The following PREPL variants were observed in gnomAD, a reference collection of about 807,000 sequenced individuals.
PREPL encodes prolyl endopeptidase like.
PREPL carries 77 observed loss-of-function variants against 70.6 expected under a neutral mutation model. The ratio of observed to expected loss-of-function variants is 1.09; its 90% CI spans 0.91 to 1.32. The LOEUF is 1.32. Ranked by LOEUF, PREPL falls within the 40% of genes most tolerant of loss-of-function variation. The pLI, the probability that PREPL is intolerant of heterozygous loss-of-function variation, is 0.00. For synonymous variants in PREPL, 315 were observed against 264.8 expected, an observed-to-expected ratio of 1.19 and a Z score of -1.84; for missense variants, 1,002 against 778.2, an observed-to-expected ratio of 1.29 and a Z score of -3.42.
In PREPL at chr2:44,346,247, T is replaced by TA; in HGVS notation, c.75+20dup. On this transcript the variant is annotated intron_variant, in intron 2 of 13. Coordinates refer to ENST00000409411, the MANE Select transcript of PREPL (RefSeq NM_001171613.2). ...ATTGGTAATATCAAAAATTTTTTTT[T>TA]AAAGACATGAGATATCTTACTTCCA... The TA allele has an allele frequency of 1.9e-6, 3 of 1,589,456 alleles. No homozygotes were observed. In the South Asian group the frequency reaches 3.5e-5, roughly 18 times the overall value.
At chr2:44,339,772 T>C (rs1368749627) in intron 5 of PREPL, among the ~76,000 whole-genome samples, 1 of 152,184 alleles carries the variant, frequency 6.6e-6, no homozygotes, top group Non-Finnish European at 1.5e-5. Flanking sequence ...CATAGCTTTT[T>C]GCTGAGAAGA....
In PREPL at chr2:44,321,155, G is replaced by C. The variant is rs1445809209; in HGVS notation, c.*201C>G. ...CATGATTTGAAAATTACTTTCCTAGGTTAATGGGCATGTGCATCAATGGAG... is the reference window on the plus strand; with the variant it reads ...CATGATTTGAAAATTACTTTCCTAGCTTAATGGGCATGTGCATCAATGGAG... On this transcript the variant is annotated 3_prime_UTR_variant, in exon 14 of 14. Coordinates refer to ENST00000409411, the MANE Select transcript of PREPL (RefSeq NM_001171613.2). 3.6e-6 allele frequency: 2 copies of C among 557,852 alleles called. No homozygotes were observed. The highest frequency in any genetic ancestry group is 6.5e-6 in the Non-Finnish European group (2 of 308,918). 34.6% of individuals were successfully genotyped at this position (557,852 alleles called of 1,614,324 possible). A position where few individuals can be genotyped will look rare whatever the true frequency, so the allele number is the denominator to read the frequency against.
chr2:44,344,440 CTT>C, intron 3 of PREPL, 78 bp downstream of exon 3: 1 of 1,075,786 alleles, frequency 9.3e-7, no homozygotes, highest in South Asian at 1.8e-5. Context: ...TTTTCTCTAT[CTT>C]TGAGAAATTA....
rs189031907 is a variant in PREPL, at chr2:44,324,276, C to T, written c.1480-865G>A. 2.4e-3 allele frequency among the ~76,000 whole-genome samples: 371 copies of T among 152,180 alleles called. 2 individuals carry two copies. Among genetic ancestry groups the T allele is most frequent in the African/African-American group, 8.5e-3 (351 of 41,538 alleles). ...AGAAGCAAATGGAGAGCTGTTTAATCGGTACAGGGTTTCAGTTTTGTTAAG... is the reference window on the plus strand; with the variant it reads ...AGAAGCAAATGGAGAGCTGTTTAATTGGTACAGGGTTTCAGTTTTGTTAAG... On this transcript the variant is annotated intron_variant, in intron 10 of 13. Transcript: ENST00000409411.
chr2:44,327,038 G>A, intron 9 of PREPL, 110 bp from the exon 10 acceptor site: 1 of 909,546 alleles, frequency 1.1e-6, no homozygotes, highest in Non-Finnish European at 1.7e-6. Flanking sequence ...CTGGAGCTAA[G>A]ACTGGTTTTT....
intron 8 of PREPL, among the ~76,000 whole-genome samples, chr2:44,331,258 A>T (rs1234278947): frequency 6.6e-6 from 1 of 151,570 alleles, no homozygotes; most frequent in Non-Finnish European, 1.5e-5. Flanking sequence ...CTTCTTCTGT[A>T]GGCTGGAGAG....
Position 44,339,241 on chromosome 2 carries a change from A to G in PREPL, c.608T>C (p.Ile203Thr), listed in dbSNP as rs947027506. 10 of 1,614,150 alleles carry G rather than the reference A, an allele frequency of 6.2e-6. No individual in the cohort carries two copies. The highest frequency in any genetic ancestry group is 7.6e-6 in the Non-Finnish European group (9 of 1,180,010). Residue 203 changes from isoleucine to threonine, a missense_variant, in exon 6 of 14, where the codon ATC (isoleucine) becomes ACC (threonine). By Grantham distance (89) the Ile-to-Thr change is moderately conservative (BLOSUM62 -1). Transcript: ENST00000409411. ...GLSPWDPPVL[I>T]QKRIHGVLYY... ...AAGGACCCCATGTATTCGCTTCTGG[A>G]TAAGTACTGGTGGGTCCCAAGGGCT...
chr2:44,324,749 T>C (rs1673321881), intron 10 of PREPL, among the ~76,000 whole-genome samples: 1 of 152,028 alleles, frequency 6.6e-6, no homozygotes, highest in African/African-American at 2.4e-5. Context: ...TAGCAGGGCA[T>C]GGTGGCACAT....
rs1165742241 is a variant in PREPL at position 44,321,319 on chromosome 2, T to G, written c.*37A>C. The stretch of plus-strand genomic sequence containing the variant: ...AATTGGAAGTAAGACTATGAAATAT[T>G]TCAGTGTGTTTCCAATTCCCAGTTG... On this transcript the variant is annotated 3_prime_UTR_variant, in exon 14 of 14. Transcript: ENST00000409411. The G allele has an allele frequency of 2.7e-6, 4 of 1,492,074 alleles. No homozygotes were observed. Among genetic ancestry groups the G allele is most frequent in the South Asian group, 1.2e-5 (1 of 86,448 alleles). 92.4% of individuals were successfully genotyped at this position (1,492,074 alleles called of 1,614,324 possible). A position where few individuals can be genotyped will look rare whatever the true frequency, so the allele number is the denominator to read the frequency against.
chr2:44,329,109 C>T lies in PREPL; in HGVS notation c.1090G>A (p.Gly364Arg). The T allele has an allele frequency of 6.3e-7, 1 of 1,592,520 alleles. No individual in the cohort carries two copies. The highest frequency in any genetic ancestry group is 8.6e-7 in the Non-Finnish European group (1 of 1,162,570). The part of the protein sequence containing the change: ...VLRLEAKSKD[G>R]KLVPMTVFHK... ...AAAACAGTCATTGGCACTAATTTTC[C>T]ATCCTAGAAATGAAGAATTACTATG... is the stretch of plus-strand genomic sequence containing the variant. The change falls in exon 9 of 14, where the codon GGA (glycine) becomes AGA (arginine). Residue 364 changes from glycine to arginine, a missense_variant. Transcript: ENST00000409411.
At chr2:44,333,482 T>C (rs545482461) in intron 7 of PREPL, among the ~76,000 whole-genome samples, 1 of 151,882 alleles carries the variant, frequency 6.6e-6, no homozygotes, top group African/African-American at 2.4e-5. Flanking sequence ...AAGAGCAAAT[T>C]CCTTAGAAAA....
intron 1 of PREPL, chr2:44,360,254 TTAAC>T (rs985333637): frequency 6.6e-6 from 1 of 152,312 alleles, no homozygotes; most frequent in Non-Finnish European, 1.5e-5. Flanking sequence ...TTGTTGAGTG[TTAAC>T]TAACTGCCAG....
In PREPL at chr2:44,339,130, C is replaced by T. The variant is rs375710277; in HGVS notation, c.702+17G>A. On this transcript the variant is annotated intron_variant, in intron 6 of 13. Transcript: ENST00000409411. ...TTCTTAACAGCCCAAATAGGAACAA[C>T]GAGCATCCAGGATTACCTTAAATTC... 3.1e-5 allele frequency: 50 copies of T among 1,612,136 alleles called. No individual in the cohort carries two copies. In the African/African-American group the frequency reaches 3.7e-4, roughly 12 times the overall value.
chr2:44,356,607 C>A (rs991659179), intron 1 of PREPL, among the ~76,000 whole-genome samples: 1 of 152,056 alleles, frequency 6.6e-6, no homozygotes, highest in Non-Finnish European at 1.5e-5. Context: ...ATTTTCATTA[C>A]GCAGATGTGG....
At position 44,320,428 on chromosome 2, in the gene PREPL, C is replaced by G; in HGVS notation, c.*928G>C. ...CATAATATGATTTCGGGCCTTCCCG[C>G]TAAAATGAGAATAAGGTTAAGTACC... On this transcript the variant is annotated 3_prime_UTR_variant, in exon 14 of 14. Transcript: ENST00000409411. 6.2e-7 allele frequency: 1 copy of G among 1,614,062 alleles called. No individual in the cohort carries two copies. The highest frequency in any genetic ancestry group is 2.2e-5 in the East Asian group (1 of 44,884).
intron 1 of PREPL, among the ~76,000 whole-genome samples, chr2:44,353,888 T>C (rs1401027673): frequency 6.6e-6 from 1 of 152,138 alleles, no homozygotes; most frequent in African/African-American, 2.4e-5. Flanking sequence ...GGGCTGGGCA[T>C]GGTGGGTCAC....
intron 5 of PREPL, among the ~76,000 whole-genome samples, chr2:44,341,422 A>G (rs949330609): frequency 6.6e-5 from 10 of 152,090 alleles, no homozygotes; most frequent in African/African-American, 2.4e-4. Flanking sequence ...ATGCTTTAAT[A>G]TATAATTGTA....
chr2:44,330,179 A>G (rs2103802859), intron 8 of PREPL, among the ~76,000 whole-genome samples: 2 of 152,190 alleles, frequency 1.3e-5, no homozygotes, highest in East Asian at 3.9e-4. Flanking sequence ...TCACTTCCCA[A>G]CTCTTCCCCA....
intron 12 of PREPL, among the ~76,000 whole-genome samples, 166 bp from the exon 13 acceptor site, chr2:44,322,066 C>G (rs544666575): frequency 1.3e-5 from 2 of 152,154 alleles, no homozygotes; most frequent in South Asian, 4.1e-4. Flanking sequence ...GGACAAGCAA[C>G]AGAAGACAAA....
Sources: gnomAD v4.1 joint callset for allele counts (sites outside exome capture counted in the v4.1 genomes callset) on GRCh38, gnomAD v4.1.1 for gene constraint, MANE v1.5 for transcripts, NCBI Gene and HGNC (gene_info 2026-07-23, HGNC 2026-07-21) for gene names.